Variants in IL1R1 observed in about 807,000 individuals in gnomAD.
IL1R1 encodes the protein interleukin-1 receptor type 1.
In IL1R1, 22 loss-of-function variants were observed where a neutral mutation model predicts 50.2. The observed-to-expected ratio is 0.44, with a 90% CI of 0.31 to 0.63. The LOEUF (loss-of-function observed/expected upper bound fraction) is 0.63, where lower values mean the gene tolerates loss of function less well. Ranked by LOEUF, IL1R1 falls within the 20% of genes least tolerant of loss-of-function variation. The pLI is 0.07. For missense variants in IL1R1, 509 were observed against 676.2 expected (o/e 0.75, Z 2.74); for synonymous variants, 251 against 236.7 (o/e 1.06, Z -0.55).
chr2:102,176,044 T>G, intron 11 of IL1R1: 1 of 451,236 alleles, frequency 2.2e-6, no homozygotes, highest in Admixed American at 4.0e-5. Context: ...ATGGGAGGTT[T>G]GCAGTGGCTC....
rs1578055772 is a variant in IL1R1 at position 102,177,500 on chromosome 2, G to A, written c.*741G>A. 6.5e-6 allele frequency: 1 copy of A among 154,042 alleles called. No individual in the cohort carries two copies. The highest frequency in any genetic ancestry group is 1.5e-5 in the Non-Finnish European group (1 of 68,130). The allele number at this position is 154,042 out of a possible 1,614,324, so 9.5% of individuals were successfully genotyped here. On this transcript the variant is annotated 3_prime_UTR_variant, in exon 12 of 12. Transcript: ENST00000410023. ...GGCAAAGTGAGACTGACACCTCACT[G>A]AGGAAGGGAGACATATTCTTGGAGA... is the stretch of plus-strand genomic sequence containing the variant.
chr2:102,110,626 C>A (rs1231054849), intron 1 of IL1R1, among the ~76,000 whole-genome samples: 6 of 151,220 alleles, frequency 4.0e-5, no homozygotes, highest in Non-Finnish European at 8.8e-5. Flanking sequence ...GCAGTGTCAG[C>A]CCCACTGTGG....
At chr2:102,161,818 G>A (rs1200633928) in intron 3 of IL1R1, among the ~76,000 whole-genome samples, 1 of 152,070 alleles carries the variant, frequency 6.6e-6, no homozygotes, top group Non-Finnish European at 1.5e-5. Context: ...TTGTGCCTCA[G>A]CCTCCCAAGT....
intron 1 of IL1R1, among the ~76,000 whole-genome samples, chr2:102,082,622 A>G (rs772288934): frequency 1.9e-4 from 28 of 147,660 alleles, no homozygotes; most frequent in Non-Finnish European, 3.4e-4. Context: ...AAACTGCTTC[A>G]TCAAACAAAA....
chr2:102,137,472 G>A (rs924186816), intron 1 of IL1R1, among the ~76,000 whole-genome samples: 12 of 152,164 alleles, frequency 7.9e-5, no homozygotes, highest in African/African-American at 2.7e-4. Context: ...AATGTACTTT[G>A]GCTGACAGCT....
At chr2:102,099,898 C>T (rs1032775488), upstream of IL1R1, among the ~76,000 whole-genome samples, 3 of 152,192 alleles carry the variant, frequency 2.0e-5, no homozygotes, top group Non-Finnish European at 2.9e-5. Context: ...GCCTATGGTT[C>T]TATCTTAATG....
intron 2 of IL1R1, among the ~76,000 whole-genome samples, chr2:102,155,508 A>C (rs111337945): frequency 4.8e-4 from 73 of 152,108 alleles, no homozygotes; most frequent in Non-Finnish European, 1.0e-3. Flanking sequence ...TGTGTGGGTT[A>C]ATCTAGGTGC....
intron 1 of IL1R1, among the ~76,000 whole-genome samples, chr2:102,119,543 C>T (rs1293102748): frequency 6.6e-6 from 1 of 152,226 alleles, no homozygotes; most frequent in Non-Finnish European, 1.5e-5. Context: ...GTGGCTTTCT[C>T]AGCCTAACAG....
At position 102,176,745 on chromosome 2, in the gene IL1R1, G is replaced by A. The variant is rs772263623; in HGVS notation, c.1696G>A (p.Val566Met). 12 of 1,613,806 alleles carry A rather than the reference G, an allele frequency of 7.4e-6. No homozygotes were observed. Among genetic ancestry groups the A allele is most frequent in the South Asian group, 4.4e-5 (4 of 91,070 alleles). Residue 566 changes from valine (V) to methionine (M), a missense_variant, in exon 12 of 12, where the codon GTG (valine) becomes ATG (methionine). Coordinates refer to ENST00000410023, the MANE Select transcript of IL1R1 (RefSeq NM_000877.4). ...TKEKLQREAHVPLG is the reference protein window; with the variant it reads ...TKEKLQREAHMPLG The stretch of plus-strand genomic sequence containing the variant: ...GGAGAAACTGCAAAGAGAGGCTCAC[G>A]TGCCTCTCGGGTAGCATGGAGAAGT...
At chr2:102,109,464 C>T (rs1166888160) in intron 1 of IL1R1, among the ~76,000 whole-genome samples, 1 of 151,874 alleles carries the variant, frequency 6.6e-6, no homozygotes. Context: ...TCAGCCTGCA[C>T]CAAGTCTGTC....
chr2:102,138,306 A>G (rs1682454698), upstream of IL1R1, among the ~76,000 whole-genome samples: 1 of 152,202 alleles, frequency 6.6e-6, no homozygotes. Context: ...ACATGGGAAA[A>G]ACCAGGTGCA....
At position 102,174,604 on chromosome 2, in the gene IL1R1, C is replaced by A; in HGVS notation, c.1009C>A (p.His337Asn). ...LIYPVTNFQK[H>N]MIGICVTLTV... is the part of the protein sequence containing the mutation. Reference sequence around the variant, plus strand: ...TGCTATAGTCACTAATTTCCAGAAGCACATGATTGGTATATGTGTCACGTT... The same window carrying A: ...TGCTATAGTCACTAATTTCCAGAAGAACATGATTGGTATATGTGTCACGTT... The change falls in exon 10 of 12, where the codon CAC becomes AAC. Residue 337 changes from histidine (H) to asparagine (N), a missense_variant. Physicochemically the swap from His to Asn is moderately conservative, Grantham distance 68. Coordinates refer to ENST00000410023, the MANE Select transcript of IL1R1 (RefSeq NM_000877.4). 6.3e-7 allele frequency: 1 copy of A among 1,576,988 alleles called. No homozygotes were observed. The highest frequency in any genetic ancestry group is 8.6e-7 in the Non-Finnish European group (1 of 1,165,998).
intron 1 of IL1R1, among the ~76,000 whole-genome samples, chr2:102,079,909 A>G (rs190638125): frequency 6.6e-6 from 1 of 152,302 alleles, no homozygotes; most frequent in Admixed American, 6.5e-5. Flanking sequence ...ATAAAAATAG[A>G]ATTAAGAATT....
At chr2:102,175,975 T>C (rs1415192855) in intron 11 of IL1R1, 1 of 479,786 alleles carries the variant, frequency 2.1e-6, no homozygotes, top group African/African-American at 2.0e-5. Context: ...AACAAAGTTT[T>C]CTGAGTTCTA....
chr2:102,142,309 C>G (rs1682708423), upstream of IL1R1: 1 of 152,282 alleles, frequency 6.6e-6, no homozygotes. Context: ...CAAAGCCAGT[C>G]GGAGAGAGCC....
intron 1 of IL1R1, among the ~76,000 whole-genome samples, chr2:102,152,219 G>A (rs1307474601): frequency 6.6e-6 from 1 of 151,866 alleles, no homozygotes; most frequent in Admixed American, 6.6e-5. Context: ...TTAGAAGAGT[G>A]TGGGGGCCAG....
intron 1 of IL1R1, among the ~76,000 whole-genome samples, chr2:102,097,421 G>A (rs1339685193): frequency 6.6e-6 from 1 of 151,944 alleles, no homozygotes; most frequent in Non-Finnish European, 1.5e-5. Flanking sequence ...TCTGTTCCTG[G>A]TCTATTTGTA....
chr2:102,144,767 A>G (rs756439282), intron 1 of IL1R1, among the ~76,000 whole-genome samples: 12 of 152,182 alleles, frequency 7.9e-5, no homozygotes, highest in Non-Finnish European at 1.8e-4. Context: ...CCTAGAGGAC[A>G]CCACTCAGCA....
At chr2:102,134,448 G>A (rs1300489137) in intron 1 of IL1R1, among the ~76,000 whole-genome samples, 2 of 151,180 alleles carry the variant, frequency 1.3e-5, no homozygotes, top group Non-Finnish European at 2.9e-5. Flanking sequence ...CACAGATTTC[G>A]GCTCACCGCA....
Sources: gnomAD v4.1 joint callset for allele counts (sites outside exome capture counted in the v4.1 genomes callset) on GRCh38, gnomAD v4.1.1 for gene constraint, MANE v1.5 for transcripts, NCBI Gene and HGNC (gene_info 2026-07-23, HGNC 2026-07-21) for gene names.